Variants in LINGO2 observed in about 807,000 individuals in gnomAD.
LINGO2 encodes the protein leucine-rich repeat and immunoglobulin-like domain-containing nogo receptor-interacting protein 2.
In LINGO2, 14 loss-of-function variants were observed where a neutral mutation model predicts 30.6. The ratio of observed to expected loss-of-function variants is 0.46; its 90% CI spans 0.30 to 0.72. The LOEUF (loss-of-function observed/expected upper bound fraction) is 0.72. Ranked by LOEUF, LINGO2 falls within the 30% of genes least tolerant of loss-of-function variation. The pLI, the probability that LINGO2 is intolerant of heterozygous loss-of-function variation, is 0.07. For missense variants in LINGO2, 729 were observed against 751.7 expected (o/e 0.97, Z 0.35); for synonymous variants, 317 against 288.5 (o/e 1.10, Z -1.00).
intron 4 of LINGO2, among the ~76,000 whole-genome samples, chr9:28,239,844 A>G (rs900046118): frequency 8.5e-5 from 13 of 152,312 alleles, no homozygotes; most frequent in African/African-American, 2.9e-4. Flanking sequence ...ATGTCAAATT[A>G]TCCTTCTTTG....
At chr9:28,552,516 G>C (rs73441456) in intron 1 of LINGO2, among the ~76,000 whole-genome samples, 1 of 151,818 alleles carries the variant, frequency 6.6e-6, no homozygotes, top group Non-Finnish European at 1.5e-5. Flanking sequence ...TTTGTATCCA[G>C]GGTACTGACT....
chr9:27,947,975 T>A (rs1276902997), downstream of LINGO2: 2 of 152,240 alleles, frequency 1.3e-5, no homozygotes, highest in African/African-American at 4.8e-5. Context: ...CCTTGCATTT[T>A]ACAGGTACAT....
intron 2 of LINGO2, among the ~76,000 whole-genome samples, chr9:28,375,127 CACACACATACA>C (rs1349618558): frequency 5.0e-4 from 57 of 114,818 alleles, no homozygotes; most frequent in Admixed American, 4.3e-4. Flanking sequence ...CACACACACA[CACACACATACA>C]CCCCACACTA....
At chr9:28,127,568 T>G (rs1171497909) in intron 4 of LINGO2, among the ~76,000 whole-genome samples, 6 of 152,218 alleles carry the variant, frequency 3.9e-5, no homozygotes, top group Admixed American at 3.3e-4. Flanking sequence ...GATTGCTGAA[T>G]AGAGGATGCT....
chr9:28,775,858 T>C, the LINGO2 span, among the ~76,000 whole-genome samples: 1 of 152,234 alleles, frequency 6.6e-6, no homozygotes, highest in Non-Finnish European at 1.5e-5. Context: ...TAGTTGGTTA[T>C]GCCTTGAGAC....
the LINGO2 span, among the ~76,000 whole-genome samples, chr9:28,987,324 G>A: frequency 1.3e-5 from 2 of 151,710 alleles, no homozygotes; most frequent in Non-Finnish European, 2.9e-5. Flanking sequence ...TATCTGATTT[G>A]TTGATTTACA....
At chr9:28,213,830 C>T (rs886652167) in intron 4 of LINGO2, among the ~76,000 whole-genome samples, 3 of 151,416 alleles carry the variant, frequency 2.0e-5, no homozygotes, top group African/African-American at 7.3e-5. Context: ...TTACACTCCA[C>T]ACAGTATGGT....
the LINGO2 span, among the ~76,000 whole-genome samples, chr9:28,768,835 A>G: frequency 6.6e-6 from 1 of 152,140 alleles, no homozygotes; most frequent in Non-Finnish European, 1.5e-5. Flanking sequence ...ACACAGTATG[A>G]CAGAATTGGA....
intron 1 of LINGO2, among the ~76,000 whole-genome samples, chr9:28,616,750 C>T (rs571803508): frequency 1.3e-5 from 2 of 152,102 alleles, no homozygotes; most frequent in Non-Finnish European, 2.9e-5. Context: ...TTATCTAGGC[C>T]AGAAACAAAG....
At chr9:29,125,501 C>A in the LINGO2 span, among the ~76,000 whole-genome samples, 2 of 152,122 alleles carry the variant, frequency 1.3e-5, no homozygotes, top group South Asian at 2.1e-4. Context: ...CATTCCCTGA[C>A]AAAATTTGAT....
At chr9:28,715,582 G>A in the LINGO2 span, among the ~76,000 whole-genome samples, 1 of 152,060 alleles carries the variant, frequency 6.6e-6, no homozygotes, top group African/African-American at 2.4e-5. Flanking sequence ...AGAGGTGGGT[G>A]GGGTTGCTAA....
chr9:28,336,643 T>G (rs1825599583), intron 3 of LINGO2, among the ~76,000 whole-genome samples: 1 of 152,174 alleles, frequency 6.6e-6, no homozygotes, highest in Non-Finnish European at 1.5e-5. Flanking sequence ...TCAATGGTTC[T>G]AGTACTGTTT....
chr9:28,476,474 A>G (rs1369619300), intron 1 of LINGO2, among the ~76,000 whole-genome samples: 8 of 152,126 alleles, frequency 5.3e-5, no homozygotes, highest in Admixed American at 4.6e-4. Flanking sequence ...ACGGGGTTTC[A>G]CCGTGTTAGC....
chr9:28,309,860 A>T (rs1824540868), intron 3 of LINGO2, among the ~76,000 whole-genome samples: 1 of 152,256 alleles, frequency 6.6e-6, no homozygotes, highest in Admixed American at 6.5e-5. Flanking sequence ...AGTTGATTTC[A>T]CACTTCACCA....
the LINGO2 span, among the ~76,000 whole-genome samples, chr9:28,787,705 A>G: frequency 6.6e-6 from 1 of 152,166 alleles, no homozygotes; most frequent in East Asian, 1.9e-4. Flanking sequence ...TAATAAGATA[A>G]AGATAAATAA....
At chr9:27,983,498 G>A (rs899174006) in intron 5 of LINGO2, among the ~76,000 whole-genome samples, 4 of 151,820 alleles carry the variant, frequency 2.6e-5, no homozygotes, top group African/African-American at 7.3e-5. Context: ...GGACCCTGTT[G>A]GTAGGTACCA....
the LINGO2 span, among the ~76,000 whole-genome samples, chr9:29,039,277 T>C: frequency 6.6e-6 from 1 of 151,814 alleles, no homozygotes. Context: ...AATTTCAGTT[T>C]GTTTTAGATC....
At chr9:28,699,887 A>C in the LINGO2 span, among the ~76,000 whole-genome samples, 1 of 151,870 alleles carries the variant, frequency 6.6e-6, no homozygotes, top group African/African-American at 2.4e-5. Flanking sequence ...GGTAAATTTG[A>C]ACTCAGACGG....
intron 3 of LINGO2, among the ~76,000 whole-genome samples, chr9:28,350,186 T>C (rs1432668314): frequency 6.9e-6 from 1 of 144,142 alleles, no homozygotes; most frequent in Non-Finnish European, 1.5e-5. Flanking sequence ...AATGCTCCAA[T>C]TAAAAGACAC....
Sources: allele counts gnomAD v4.1 joint callset (sites outside exome capture counted in the v4.1 genomes callset), GRCh38; gene constraint gnomAD v4.1.1; transcripts MANE v1.5; gene names NCBI Gene and HGNC (gene_info 2026-07-23, HGNC 2026-07-21).